The following THSD7B variants were observed in gnomAD, a reference collection of about 807,000 sequenced individuals.
THSD7B encodes thrombospondin type-1 domain-containing protein 7B.
In THSD7B, 138 loss-of-function variants were observed where a neutral mutation model predicts 213.6. That is an observed-to-expected ratio of 0.65 (90% CI 0.56 to 0.74). The LOEUF is 0.74. THSD7B is among the 30% of genes least tolerant of loss of function. THSD7B has a pLI of 0.00. For synonymous variants in THSD7B, 742 were observed against 687.0 expected (o/e 1.08, Z -1.25); for missense variants, 1,931 against 1,991.5 (o/e 0.97, Z 0.58).
At chr2:136,918,538 G>A (rs1684382497) in intron 2 of THSD7B, among the ~76,000 whole-genome samples, 1 of 152,136 alleles carries the variant, frequency 6.6e-6, no homozygotes, top group South Asian at 2.1e-4. Flanking sequence ...GTTGGTGTAG[G>A]CTGTGGCAAA....
intron 3 of THSD7B, among the ~76,000 whole-genome samples, chr2:137,084,152 G>C (rs1687796938): frequency 6.6e-6 from 1 of 152,060 alleles, no homozygotes; most frequent in Non-Finnish European, 1.5e-5. Context: ...TTATTACATG[G>C]TTGTAGCAAA....
At position 137,281,094 on chromosome 2, in the gene THSD7B, C is replaced by T. The variant is rs970980348; in HGVS notation, c.2500+5068C>T. On this transcript the variant is annotated intron_variant, in intron 12 of 27. Coordinates refer to ENST00000409968, the MANE Select transcript of THSD7B (RefSeq NM_001316349.2). ...CTACGATATCGTTGACTTTCTTGAACTATCTGTAGTCTTTTTTGGTTTATT... is the reference window on the plus strand; with the variant it reads ...CTACGATATCGTTGACTTTCTTGAATTATCTGTAGTCTTTTTTGGTTTATT... 1.3e-5 allele frequency among the ~76,000 whole-genome samples: 2 copies of T among 152,102 alleles called. 1 individual carries two copies. The highest frequency in any genetic ancestry group is 4.8e-5 in the African/African-American group (2 of 41,440).
At chr2:137,104,449 C>G (rs1376754129) in intron 4 of THSD7B, among the ~76,000 whole-genome samples, 1 of 152,052 alleles carries the variant, frequency 6.6e-6, no homozygotes, top group Non-Finnish European at 1.5e-5. Flanking sequence ...AAAACCGACA[C>G]CATAAGTGTC....
At chr2:137,213,715 T>C (rs2105036707) in intron 7 of THSD7B, among the ~76,000 whole-genome samples, 1 of 152,156 alleles carries the variant, frequency 6.6e-6, no homozygotes, top group Non-Finnish European at 1.5e-5. Context: ...TGTTTTCAAA[T>C]CTTGCTCATG....
At chr2:136,935,485 G>A (rs527833690) in intron 2 of THSD7B, among the ~76,000 whole-genome samples, 20 of 152,220 alleles carry the variant, frequency 1.3e-4, no homozygotes, top group African/African-American at 4.3e-4. Context: ...AAAACTGGAT[G>A]GAAGATTTGA....
intron 5 of THSD7B, among the ~76,000 whole-genome samples, chr2:137,140,540 G>A (rs1216141333): frequency 6.6e-6 from 1 of 152,020 alleles, no homozygotes. Context: ...CATTAACAGT[G>A]TCTAAGCTAT....
intron 1 of THSD7B, among the ~76,000 whole-genome samples, chr2:136,822,089 A>G (rs1682572642): frequency 6.6e-6 from 1 of 152,180 alleles, no homozygotes; most frequent in Non-Finnish European, 1.5e-5. Context: ...AGGATGAAGT[A>G]ACTAGGGCAT....
chr2:137,658,882 C>G lies in THSD7B; in HGVS notation c.4376-782C>G, dbSNP rs187006933. On this transcript the variant is annotated intron_variant, in intron 24 of 27. Transcript: ENST00000409968. ...AATTGTACTTATCCAAACGCTAGAACCTTTCAATGCAACCAGTACTATATA... is the reference window on the plus strand; with the variant it reads ...AATTGTACTTATCCAAACGCTAGAAGCTTTCAATGCAACCAGTACTATATA... 2.4e-3 allele frequency among the ~76,000 whole-genome samples: 360 copies of G among 152,280 alleles called. 3 individuals carry two copies. Among genetic ancestry groups the G allele is most frequent in the African/African-American group, 8.4e-3 (350 of 41,558 alleles).
intron 12 of THSD7B, among the ~76,000 whole-genome samples, chr2:137,333,583 G>A (rs1430699927): frequency 6.6e-6 from 1 of 152,140 alleles, no homozygotes; most frequent in African/African-American, 2.4e-5. Flanking sequence ...TCTCTGCTCA[G>A]TAAGGGAAAC....
At chr2:136,825,037 A>T (rs1276200392) in intron 1 of THSD7B, among the ~76,000 whole-genome samples, 4 of 152,236 alleles carry the variant, frequency 2.6e-5, no homozygotes, top group African/African-American at 7.2e-5. Flanking sequence ...CTCCTGTCAA[A>T]TATAGTAAAA....
At chr2:137,547,619 A>G (rs1257310301) in intron 15 of THSD7B, among the ~76,000 whole-genome samples, 1 of 152,076 alleles carries the variant, frequency 6.6e-6, no homozygotes, top group Admixed American at 6.6e-5. Flanking sequence ...CTATTACAGC[A>G]AACTCATTTA....
chr2:136,978,559 C>T (rs7594762), intron 2 of THSD7B, among the ~76,000 whole-genome samples: 70,201 of 151,532 alleles, frequency 0.46, 18,881 homozygotes, highest in East Asian at 0.78. Flanking sequence ...TTCTTTGTCT[C>T]TTTTGGATCT....
chr2:136,992,966 C>G (rs1192839950), intron 2 of THSD7B, among the ~76,000 whole-genome samples: 1 of 152,242 alleles, frequency 6.6e-6, no homozygotes, highest in Non-Finnish European at 1.5e-5. Context: ...TGAGTTCCAA[C>G]TGTTCCTCTC....
rs867385730 is a variant in THSD7B at position 137,404,462 on chromosome 2, T to C, written c.2501-1151T>C. Among the ~76,000 whole-genome samples, 325 of 81,830 alleles carry C rather than the reference T, an allele frequency of 4.0e-3. 1 individual carries two copies. Among genetic ancestry groups the C allele is most frequent in the Non-Finnish European group, 6.1e-3 (247 of 40,548 alleles). 53.7% of individuals were successfully genotyped at this position (81,830 alleles called of 152,430 possible). On this transcript the variant is annotated intron_variant, in intron 12 of 27. Coordinates refer to ENST00000409968, the MANE Select transcript of THSD7B (RefSeq NM_001316349.2). ...ATATATATATATATATATATATATA[T>C]ATATATATATATACACACACACACA... is the stretch of plus-strand genomic sequence containing the variant.
At chr2:136,908,788 A>G (rs1405189498) in intron 2 of THSD7B, among the ~76,000 whole-genome samples, 1 of 152,162 alleles carries the variant, frequency 6.6e-6, no homozygotes, top group East Asian at 1.9e-4. Context: ...AGGCATTTTG[A>G]GGCATGGCTA....
At chr2:137,351,664 G>A (rs1685016621) in intron 12 of THSD7B, among the ~76,000 whole-genome samples, 1 of 151,938 alleles carries the variant, frequency 6.6e-6, no homozygotes, top group Non-Finnish European at 1.5e-5. Context: ...TGAAGCCTGG[G>A]TGGCTTTCAA....
At chr2:137,458,640 A>G (rs573556562) in intron 15 of THSD7B, among the ~76,000 whole-genome samples, 3 of 152,282 alleles carry the variant, frequency 2.0e-5, no homozygotes, top group South Asian at 2.1e-4. Context: ...TGAGACATCT[A>G]TAGTATTGGC....
chr2:137,037,045 G>T (rs1339935731), intron 2 of THSD7B, among the ~76,000 whole-genome samples: 1 of 152,052 alleles, frequency 6.6e-6, no homozygotes, highest in Non-Finnish European at 1.5e-5. Flanking sequence ...TGTTCCTAAA[G>T]CCTTTGTACA....
At chr2:137,210,838 T>C (rs2105033154) in intron 7 of THSD7B, among the ~76,000 whole-genome samples, 2 of 152,134 alleles carry the variant, frequency 1.3e-5, no homozygotes, top group South Asian at 4.1e-4. Flanking sequence ...TTTCAGAAGA[T>C]AGAATTTAGC....
Sources: gnomAD v4.1 joint callset for allele counts (sites outside exome capture counted in the v4.1 genomes callset) on GRCh38, gnomAD v4.1.1 for gene constraint, MANE v1.5 for transcripts, NCBI Gene and HGNC (gene_info 2026-07-23, HGNC 2026-07-21) for gene names.